Variants in PRKAB2 observed in about 807,000 individuals in gnomAD.
PRKAB2 encodes the protein 5'-AMP-activated protein kinase subunit beta-2.
In PRKAB2, 18 loss-of-function variants were observed where a neutral mutation model predicts 29.8. The ratio of observed to expected loss-of-function variants is 0.60; its 90% confidence interval spans 0.42 to 0.89. PRKAB2 has a LOEUF of 0.89. Ranked by LOEUF, PRKAB2 falls within the 40% of genes least tolerant of loss-of-function variation. The pLI is 0.00. For missense variants in PRKAB2, 270 were observed against 344.3 expected, an observed-to-expected ratio of 0.78 and a Z score of 1.71; for synonymous variants, 136 against 125.9, an observed-to-expected ratio of 1.08 and a Z score of -0.54.
chr1:147,160,387 T>C (rs1012102783), intron 7 of PRKAB2, among the ~76,000 whole-genome samples: 2 of 152,256 alleles, frequency 1.3e-5, no homozygotes, highest in East Asian at 3.9e-4. Flanking sequence ...AGAGGTACCA[T>C]TTCCCAGGCT....
Position 147,166,527 on chromosome 1 carries a change from G to A in PRKAB2, c.509C>T (p.Ser170Phe), listed in dbSNP as rs782045932. The change falls in exon 5 of 8, where the codon TCT becomes TTT. Residue 170 changes from serine to phenylalanine, a missense_variant. Physicochemically the swap from Ser to Phe is radical, Grantham distance 155 (BLOSUM62 -2). Transcript: ENST00000254101. ...FEVFDALKLD[S>F]MESSETSCRD... ...ACAAGATGTCTCAGAACTTTCCATA[G>A]AATCTAACTTTAAAGCATCGAACAC... 8 of 1,613,672 alleles carry A rather than the reference G, an allele frequency of 5.0e-6. No individual in the cohort carries two copies. The highest frequency in any genetic ancestry group is 6.8e-6 in the Non-Finnish European group (8 of 1,179,772).
rs782668351 is a variant in PRKAB2, at chr1:147,161,748, A to C, written c.705T>G (p.His235Gln). ...ATGCATAGAGATGGTTCAGCATAACATGGTTGGGCTCAGGGAGTAAGGCTG... is the reference window on the plus strand; with the variant it reads ...ATGCATAGAGATGGTTCAGCATAACCTGGTTGGGCTCAGGGAGTAAGGCTG... ...CDPALLPEPN[H>Q]VMLNHLYALS... The change falls in exon 7 of 8, where the codon CAT (histidine) becomes CAG (glutamine). Residue 235 changes from histidine to glutamine, a missense_variant. Physicochemically the swap from His to Gln is conservative, Grantham distance 24. Transcript: ENST00000254101. The C allele has an allele frequency of 1.2e-6, 2 of 1,613,184 alleles. No homozygotes were observed. The highest frequency in any genetic ancestry group is 2.2e-5 in the South Asian group (2 of 91,000).
At position 147,172,131 on chromosome 1, in the gene PRKAB2, G is replaced by A; in HGVS notation, c.14C>T (p.Thr5Ile). ...GCGCTCCCCGGACACCCGGTCGCTG[G>A]TGGTGTTTCCCATGGCTGCAGCTCG... MGNT[T>I]SDRVSGERHG... is the part of the protein sequence containing the mutation. The change falls in exon 2 of 8, where the codon ACC becomes ATC. Residue 5 changes from threonine to isoleucine, a missense_variant. Coordinates refer to ENST00000254101, the MANE Select transcript of PRKAB2 (RefSeq NM_005399.5). 1 of 1,551,080 alleles carries A rather than the reference G, an allele frequency of 6.4e-7. No homozygotes were observed. Among genetic ancestry groups the A allele is most frequent in the Non-Finnish European group, 8.7e-7 (1 of 1,148,206 alleles).
At chr1:147,171,891 C>G in intron 2 of PRKAB2, 98 bp downstream of exon 2, 2 of 1,470,564 alleles carry the variant, frequency 1.4e-6, no homozygotes, top group Non-Finnish European at 1.9e-6. Flanking sequence ...AAACCATAGC[C>G]CGGTTCGGCG....
chr1:147,163,879 C>A (rs1654099324), intron 5 of PRKAB2, among the ~76,000 whole-genome samples: 1 of 151,772 alleles, frequency 6.6e-6, no homozygotes, highest in Non-Finnish European at 1.5e-5. Flanking sequence ...AGTATGCAGA[C>A]AAGAATACAA....
rs1653807007 is a variant in PRKAB2 at position 147,158,926 on chromosome 1, C to CT, written c.*638dup. On this transcript the variant is annotated 3_prime_UTR_variant, in exon 8 of 8. Coordinates refer to ENST00000254101, the MANE Select transcript of PRKAB2 (RefSeq NM_005399.5). ...GGTGCCACAAAACTTTTCAAAGTCA[C>CT]TTACCCAATAAGTTTTGTGTTAGAG... 6.6e-6 allele frequency: 1 copy of CT among 152,194 alleles called. No homozygotes were observed. The highest frequency in any genetic ancestry group is 1.5e-5 in the Non-Finnish European group (1 of 68,070). 9.4% of individuals were successfully genotyped at this position (152,194 alleles called of 1,614,324 possible).
intron 2 of PRKAB2, among the ~76,000 whole-genome samples, chr1:147,168,393 G>C (rs1654356486): frequency 6.6e-6 from 1 of 152,196 alleles, no homozygotes; most frequent in Non-Finnish European, 1.5e-5. Flanking sequence ...ATTACCAGTT[G>C]TAATGGAAGT....
At chr1:147,167,954 T>A in intron 2 of PRKAB2, 21 bp from the exon 3 acceptor site, 1 of 1,599,612 alleles carries the variant, frequency 6.3e-7, no homozygotes, top group East Asian at 2.2e-5. Context: ...GAGTAGGTCA[T>A]CCCTAGAATA....
At chr1:147,167,692 G>C in intron 3 of PRKAB2, 75 bp downstream of exon 3, 1 of 1,511,618 alleles carries the variant, frequency 6.6e-7, no homozygotes, top group Non-Finnish European at 8.9e-7. Flanking sequence ...GAAAAGTCCA[G>C]CTGGGTCTCT....
chr1:147,160,038 T>A (rs1467011453), intron 7 of PRKAB2, among the ~76,000 whole-genome samples: 1 of 151,966 alleles, frequency 6.6e-6, no homozygotes, highest in Admixed American at 6.6e-5. Context: ...AAGAACAAAA[T>A]ATTCTGGCAT....
rs782100221 is a variant in PRKAB2, at chr1:147,161,772, T to A, written c.681A>T (p.Pro227=). 1 of 1,608,622 alleles carries A rather than the reference T, an allele frequency of 6.2e-7. No individual in the cohort carries two copies. The highest frequency in any genetic ancestry group is 1.1e-5 in the South Asian group (1 of 90,140). ...LNKDTNISCD[P]ALLPEPNHVM... is the part of the protein sequence containing the mutation. ...CATGGTTGGGCTCAGGGAGTAAGGC[T>A]GGGTCACACTAAGAGAAAGAGAAAA... Residue 227 remains proline, a synonymous_variant, in exon 7 of 8, where the codon CCA becomes CCT. Transcript: ENST00000254101.
At chr1:147,164,266 C>T (rs6689159) in intron 5 of PRKAB2, among the ~76,000 whole-genome samples, 29,349 of 152,006 alleles carry the variant, frequency 0.19, 3,507 homozygotes, top group East Asian at 0.58. Context: ...TGTTCCGTTG[C>T]ACAGTAGAGT....
intron 5 of PRKAB2, among the ~76,000 whole-genome samples, chr1:147,163,211 G>A (rs1172637599): frequency 6.6e-6 from 1 of 152,184 alleles, no homozygotes; most frequent in Non-Finnish European, 1.5e-5. Context: ...AAGGAATGGA[G>A]AAATTGGAAC....
rs1018363711 is a variant in PRKAB2, at chr1:147,156,302, G to A, written c.*3263C>T. On this transcript the variant is annotated 3_prime_UTR_variant, in exon 8 of 8. Transcript: ENST00000254101. ...CTATTTCCCCAATTAAAAGCAAGGA[G>A]TTCTATTAGTATGTCTTCTTCATTT... 9 of 152,530 alleles carry A rather than the reference G, an allele frequency of 5.9e-5. No homozygotes were observed. The highest frequency in any genetic ancestry group is 1.3e-4 in the Non-Finnish European group (9 of 68,008). 9.4% of individuals were successfully genotyped at this position (152,530 alleles called of 1,614,324 possible). A position where few individuals can be genotyped will look rare whatever the true frequency, so the allele number is the denominator to read the frequency against.
Position 147,155,880 on chromosome 1 carries a change from T to A in PRKAB2, c.*3685A>T. ...AAGTAATAGACTTGAGTTTTTCTCTTTTTTCCCTTCTTTCTTATAATTTAA... is the reference window on the plus strand; with the variant it reads ...AAGTAATAGACTTGAGTTTTTCTCTATTTTCCCTTCTTTCTTATAATTTAA... On this transcript the variant is annotated 3_prime_UTR_variant, in exon 8 of 8. Coordinates refer to ENST00000254101, the MANE Select transcript of PRKAB2 (RefSeq NM_005399.5). 6.6e-6 allele frequency: 1 copy of A among 152,488 alleles called. No homozygotes were observed. Among genetic ancestry groups the A allele is most frequent in the Non-Finnish European group, 1.5e-5 (1 of 68,018 alleles). 9.4% of individuals were successfully genotyped at this position (152,488 alleles called of 1,614,324 possible).
rs1653772482 is a variant in PRKAB2 at position 147,158,285 on chromosome 1, G to C, written c.*1280C>G. 1 of 152,156 alleles carries C rather than the reference G, an allele frequency of 6.6e-6. No individual in the cohort carries two copies. The highest frequency in any genetic ancestry group is 2.1e-4 in the South Asian group (1 of 4,828). 9.4% of individuals were successfully genotyped at this position (152,156 alleles called of 1,614,324 possible). ...TGATTTTGTTAACATTTGGTGCAAA[G>C]AATGATACTTTTCATGGTTGGGAAT... On this transcript the variant is annotated 3_prime_UTR_variant, in exon 8 of 8. Transcript: ENST00000254101.
intron 2 of PRKAB2, among the ~76,000 whole-genome samples, chr1:147,170,330 C>A (rs1654456254): frequency 1.3e-5 from 2 of 152,264 alleles, no homozygotes; most frequent in South Asian, 4.1e-4. Flanking sequence ...CCAATTCAGA[C>A]AGAGCAACCT....
Position 147,165,200 on chromosome 1 carries a change from T to C in PRKAB2, c.538+1298A>G, listed in dbSNP as rs758124544. Reference sequence around the variant, plus strand: ...GCCACCACACCCAGCTAATTTTTCGTATTTTTTAGTAGAGATGAGGTTTCA... The same window carrying C: ...GCCACCACACCCAGCTAATTTTTCGCATTTTTTAGTAGAGATGAGGTTTCA... On this transcript the variant is annotated intron_variant, in intron 5 of 7. Coordinates refer to ENST00000254101, the MANE Select transcript of PRKAB2 (RefSeq NM_005399.5). Among the ~76,000 whole-genome samples, 9 of 152,276 alleles carry C rather than the reference T, an allele frequency of 5.9e-5. 1 individual carries two copies. Among genetic ancestry groups the C allele is most frequent in the Middle Eastern group, 3.4e-3 (1 of 294 alleles).
Position 147,166,618 on chromosome 1 carries a change from G to A in PRKAB2, c.418C>T (p.Pro140Ser), listed in dbSNP as rs1366648133. 6.2e-7 allele frequency: 1 copy of A among 1,611,054 alleles called. No homozygotes were observed. Among genetic ancestry groups the A allele is most frequent in the Non-Finnish European group, 8.5e-7 (1 of 1,179,156 alleles). The change falls in exon 5 of 8, where the codon CCT (proline) becomes TCT (serine). Residue 140 changes from proline (P) to serine (S), a missense_variant and splice_region_variant. Coordinates refer to ENST00000254101, the MANE Select transcript of PRKAB2 (RefSeq NM_005399.5). ...GTGCCAAGCTGACTGGTAACCACAG[G>A]CTGAAACAGTGAATAGAAAAAATTA... ...DGQWVHDPSE[P>S]VVTSQLGTIN...
Sources: gnomAD v4.1 joint callset for allele counts (sites outside exome capture counted in the v4.1 genomes callset) on GRCh38, gnomAD v4.1.1 for gene constraint, MANE v1.5 for transcripts, NCBI Gene and HGNC (gene_info 2026-07-23, HGNC 2026-07-21) for gene names.